The following CDC42SE1 variants were observed in gnomAD, a reference collection of about 807,000 sequenced individuals.
CDC42SE1 encodes the protein CDC42 small effector protein 1.
In CDC42SE1, 10 loss-of-function variants were observed where a neutral mutation model predicts 10.9. That is an observed-to-expected ratio of 0.92 (90% CI 0.57 to 1.56). The LOEUF (loss-of-function observed/expected upper bound fraction) is 1.56. Ranked by LOEUF, CDC42SE1 falls within the 40% of genes most tolerant of loss-of-function variation. The probability of loss-of-function intolerance (pLI) is 0.00; values close to 1 mark genes in which losing one functional copy is unlikely to be tolerated. For missense variants in CDC42SE1, 81 were observed against 100.8 expected (o/e 0.80, Z 0.84); for synonymous variants, 24 against 32.0 (o/e 0.75, Z 0.85).
rs951608150 is a variant in CDC42SE1 at position 151,059,576 on chromosome 1, G to A, written c.-361C>T. The A allele has an allele frequency of 2.6e-5, 4 of 152,492 alleles. No homozygotes were observed. Among genetic ancestry groups the A allele is most frequent in the East Asian group, 3.9e-4 (2 of 5,180 alleles). The allele number at this position is 152,492 out of a possible 1,614,324, so 9.4% of individuals were successfully genotyped here. ...TGTGGGCTTCCCGGGCTAGCTCTGC[G>A]GCGAGGTGGGGGAGCCGAGTACGAG... On this transcript the variant is annotated 5_prime_UTR_variant, in exon 1 of 5. Transcript: ENST00000357235.
In CDC42SE1 at chr1:151,051,393, GAAAAAAAAAAAAA is replaced by G. The variant is rs71702880; in HGVS notation, c.*1938_*1950del. ...AATGGCAGAAAATACATGGAAATTT[GAAAAAAAAAAAAA>G]AAAAAAAAAAAAAAGAACCTCAGTC... On this transcript the variant is annotated 3_prime_UTR_variant, in exon 5 of 5. Coordinates refer to ENST00000357235, the MANE Select transcript of CDC42SE1 (RefSeq NM_020239.4). 8.2e-4 allele frequency: 28 copies of G among 34,098 alleles called. No homozygotes were observed. Among genetic ancestry groups the G allele is most frequent in the Admixed American group, 2.8e-3 (5 of 1,794 alleles). The allele number at this position is 34,098 out of a possible 1,614,324, so 2.1% of individuals were successfully genotyped here.
At chr1:151,054,159 GT>G in intron 4 of CDC42SE1, 71 bp downstream of exon 4, 1 of 983,052 alleles carries the variant, frequency 1.0e-6, no homozygotes, top group South Asian at 1.3e-5. Context: ...TAAGATCAGG[GT>G]TCTGAGTCAG....
Position 151,055,830 on chromosome 1 carries a change from AC to A in CDC42SE1, c.-101del. 1 of 990,152 alleles carries A rather than the reference AC, an allele frequency of 1.0e-6. No individual in the cohort carries two copies. The highest frequency in any genetic ancestry group is 1.6e-6 in the Non-Finnish European group (1 of 632,534). The allele number at this position is 990,152 out of a possible 1,614,324, so 61.3% of individuals were successfully genotyped here. A position where few individuals can be genotyped will look rare whatever the true frequency, so the allele number is the denominator to read the frequency against. Reference sequence around the variant, plus strand: ...ACTCCTCACTCTCCCCAGATACACCACCACCCTGGGTTCACTCAGCTGGATG... The same window carrying A: ...ACTCCTCACTCTCCCCAGATACACCACACCCTGGGTTCACTCAGCTGGATG... On this transcript the variant is annotated 5_prime_UTR_variant, in exon 2 of 5. Transcript: ENST00000357235.
chr1:151,054,433 C>G, intron 3 of CDC42SE1, 112 bp from the exon 4 acceptor site: 1 of 824,558 alleles, frequency 1.2e-6, no homozygotes, highest in Non-Finnish European at 2.1e-6. Flanking sequence ...ACAATAGCAG[C>G]CATCTGCTAA....
At position 151,055,725 on chromosome 1, in the gene CDC42SE1, A is replaced by C; in HGVS notation, c.6T>G (p.Ser2Arg). M[S>R]EFWHKLGCCV... Reference sequence around the variant, plus strand: ...AGCAGCCCAGTTTGTGCCAAAATTCACTCATGTTCCCTGATGGTTCCAGCT... The same window carrying C: ...AGCAGCCCAGTTTGTGCCAAAATTCCCTCATGTTCCCTGATGGTTCCAGCT... The change falls in exon 2 of 5, where the codon AGT becomes AGG. Residue 2 changes from serine to arginine, a missense_variant. Coordinates refer to ENST00000357235, the MANE Select transcript of CDC42SE1 (RefSeq NM_020239.4). 1 of 1,612,902 alleles carries C rather than the reference A, an allele frequency of 6.2e-7. No individual in the cohort carries two copies. Among genetic ancestry groups the C allele is most frequent in the Non-Finnish European group, 8.5e-7 (1 of 1,179,332 alleles).
Position 151,050,994 on chromosome 1 carries a change from A to AT in CDC42SE1, c.*2349dup, listed in dbSNP as rs1374937804. On this transcript the variant is annotated 3_prime_UTR_variant, in exon 5 of 5. Transcript: ENST00000357235. ...GATTACTGTGCAACTATTTTGCTTA[A>AT]TTTTTTATTTGAAAAAATGTATTTA... The AT allele has an allele frequency of 6.6e-6, 1 of 152,278 alleles. No individual in the cohort carries two copies. Among genetic ancestry groups the AT allele is most frequent in the African/African-American group, 2.4e-5 (1 of 41,440 alleles). The allele number at this position is 152,278 out of a possible 1,614,324, so 9.4% of individuals were successfully genotyped here.
rs1676199244 is a variant in CDC42SE1 at position 151,052,366 on chromosome 1, T to C, written c.*978A>G. ...TGTGAGGATCTTAAGACTCCTAAAC[T>C]CACAGATGATTGTTTTCAACCTATT... On this transcript the variant is annotated 3_prime_UTR_variant, in exon 5 of 5. Coordinates refer to ENST00000357235, the MANE Select transcript of CDC42SE1 (RefSeq NM_020239.4). 6.6e-6 allele frequency: 1 copy of C among 152,622 alleles called. No homozygotes were observed. Among genetic ancestry groups the C allele is most frequent in the South Asian group, 2.1e-4 (1 of 4,830 alleles). The allele number at this position is 152,622 out of a possible 1,614,324, so 9.5% of individuals were successfully genotyped here. A position where few individuals can be genotyped will look rare whatever the true frequency, so the allele number is the denominator to read the frequency against.
At chr1:151,056,198 G>T (rs1676274679) in intron 1 of CDC42SE1, among the ~76,000 whole-genome samples, 1 of 152,150 alleles carries the variant, frequency 6.6e-6, no homozygotes, top group Admixed American at 6.5e-5. Flanking sequence ...AAGGGGTTAA[G>T]GAGCAGTGGC....
intron 1 of CDC42SE1, chr1:151,058,530 G>T (rs1008634042): frequency 2.0e-5 from 3 of 152,398 alleles, no homozygotes; most frequent in African/African-American, 7.2e-5. Context: ...AGTGAATAGG[G>T]AAGGGGCTGA....
chr1:151,055,176 G>A, intron 2 of CDC42SE1, 50 bp from the exon 3 acceptor site: 1 of 1,361,794 alleles, frequency 7.3e-7, no homozygotes, highest in Non-Finnish European at 1.1e-6. Flanking sequence ...CCTCCAGTCA[G>A]CACGGAGGAA....
rs190620490 is a variant in CDC42SE1, at chr1:151,052,699, G to C, written c.*645C>G. On this transcript the variant is annotated 3_prime_UTR_variant, in exon 5 of 5. Coordinates refer to ENST00000357235, the MANE Select transcript of CDC42SE1 (RefSeq NM_020239.4). ...TTAAATTTTTAATATTTTAAAAAAG[G>C]AAAGTTGCTGGGAAGCTGGTAAACA... 3.9e-5 allele frequency: 6 copies of C among 152,490 alleles called. No individual in the cohort carries two copies. Among genetic ancestry groups the C allele is most frequent in the African/African-American group, 1.2e-4 (5 of 41,570 alleles). 9.4% of individuals were successfully genotyped at this position (152,490 alleles called of 1,614,324 possible).
At position 151,055,867 on chromosome 1, in the gene CDC42SE1, A is replaced by C; in HGVS notation, c.-137T>G. The C allele has an allele frequency of 1.4e-6, 1 of 722,684 alleles. No homozygotes were observed. Among genetic ancestry groups the C allele is most frequent in the East Asian group, 2.7e-5 (1 of 37,108 alleles). The allele number at this position is 722,684 out of a possible 1,614,324, so 44.8% of individuals were successfully genotyped here. The stretch of plus-strand genomic sequence containing the variant: ...TCACTCAGCTGGATGGGTCCAGACA[A>C]AGTGGAATCCCTGGAACCTTTAACT... On this transcript the variant is annotated 5_prime_UTR_variant, in exon 2 of 5. Transcript: ENST00000357235.
chr1:151,054,354 A>G (rs774084717), intron 3 of CDC42SE1, 33 bp from the exon 4 acceptor site: 5 of 1,516,782 alleles, frequency 3.3e-6, no homozygotes, highest in Non-Finnish European at 4.6e-6. Flanking sequence ...CACCTTCGTA[A>G]GTCTTCATAT....
Position 151,055,137 on chromosome 1 carries a change from A to G in CDC42SE1, c.55-11T>C. 1 of 1,603,314 alleles carries G rather than the reference A, an allele frequency of 6.2e-7. No individual in the cohort carries two copies. ...TCTTCTCTTCTTCTTCTGCTTGGAG[A>G]AGATAAGGAGTCATGTCTTAAGGCC... On this transcript the variant is annotated splice_polypyrimidine_tract_variant and intron_variant, in intron 2 of 4. Transcript: ENST00000357235.
At chr1:151,055,547 A>G in intron 2 of CDC42SE1, 130 bp downstream of exon 2, 1 of 761,526 alleles carries the variant, frequency 1.3e-6, no homozygotes, top group Admixed American at 2.0e-5. Flanking sequence ...GCCTGACCAT[A>G]GAAGCTCCTG....
Position 151,057,937 on chromosome 1 carries a change from T to G in CDC42SE1, c.-264+1542A>C, listed in dbSNP as rs1296788163. 6.6e-6 allele frequency: 1 copy of G among 152,186 alleles called. No individual in the cohort carries two copies. Among genetic ancestry groups the G allele is most frequent in the African/African-American group, 2.4e-5 (1 of 41,324 alleles). The allele number at this position is 152,186 out of a possible 1,614,324, so 9.4% of individuals were successfully genotyped here. A position where few individuals can be genotyped will look rare whatever the true frequency, so the allele number is the denominator to read the frequency against. Reference sequence around the variant, plus strand: ...CTGTGGTCAGTGGGACGTCAGTGAGTCAGTCATAGGGTTTGTCCTGATGGT... The same window carrying G: ...CTGTGGTCAGTGGGACGTCAGTGAGGCAGTCATAGGGTTTGTCCTGATGGT... On this transcript the variant is annotated intron_variant, in intron 1 of 4. Transcript: ENST00000357235. This position sits in a 1 kb window ranked among gnomAD's most constrained non-coding sequence, Gnocchi z 4.0.
rs756489576 is a variant in CDC42SE1 at position 151,052,932 on chromosome 1, A to C, written c.*412T>G. On this transcript the variant is annotated 3_prime_UTR_variant, in exon 5 of 5. Transcript: ENST00000357235. The stretch of plus-strand genomic sequence containing the variant: ...AGGTAGGGAGCTTCTCAGCAAAGCC[A>C]GCTTCAGCTTTGATAATCTCACCCA... The C allele has an allele frequency of 6.6e-6, 1 of 152,308 alleles. No individual in the cohort carries two copies. Among genetic ancestry groups the C allele is most frequent in the Non-Finnish European group, 1.5e-5 (1 of 68,072 alleles). 9.4% of individuals were successfully genotyped at this position (152,308 alleles called of 1,614,324 possible).
intron 1 of CDC42SE1, chr1:151,059,273 T>G (rs748963323): frequency 3.9e-5 from 6 of 152,278 alleles, no homozygotes; most frequent in Non-Finnish European, 8.8e-5. Flanking sequence ...CAGTTCCTTC[T>G]TTTCCTTCTA....
rs1371548622 is a variant in CDC42SE1, at chr1:151,051,995, CCTA to C, written c.*1346_*1348del. On this transcript the variant is annotated 3_prime_UTR_variant, in exon 5 of 5. Coordinates refer to ENST00000357235, the MANE Select transcript of CDC42SE1 (RefSeq NM_020239.4). ...GAATTGTTTGGAGATTATGTGCAGC[CCTA>C]CTGAGCCTCATTTATATGGGCTCCT... is the stretch of plus-strand genomic sequence containing the variant. The C allele has an allele frequency of 2.6e-5, 4 of 152,388 alleles. No homozygotes were observed. In the East Asian group the frequency reaches 7.7e-4, roughly 29 times the overall value. The allele number at this position is 152,388 out of a possible 1,614,324, so 9.4% of individuals were successfully genotyped here.
Sources: allele counts gnomAD v4.1 joint callset (sites outside exome capture counted in the v4.1 genomes callset), GRCh38; gene constraint gnomAD v4.1.1; non-coding constraint Gnocchi (gnomAD v3.1); transcripts MANE v1.5; gene names NCBI Gene and HGNC (gene_info 2026-07-23, HGNC 2026-07-21).